Variants in KIAA1755 observed in about 807,000 individuals in gnomAD.
KIAA1755 encodes uncharacterized protein KIAA1755.
Under a neutral mutation model 91.7 loss-of-function variants are expected in KIAA1755, and 68 were observed. The ratio of observed to expected loss-of-function variants is 0.74; its 90% CI spans 0.61 to 0.91. The LOEUF is 0.91. KIAA1755 is among the 40% of genes least tolerant of loss of function. The pLI is 0.00. For synonymous variants in KIAA1755, 610 were observed against 604.6 expected, an observed-to-expected ratio of 1.01 and a Z score of -0.13; for missense variants, 1,535 against 1,494.4, an observed-to-expected ratio of 1.03 and a Z score of -0.45.
At chr20:38,242,175 A>G (rs1249501717) in intron 2 of KIAA1755, among the ~76,000 whole-genome samples, 2 of 152,222 alleles carry the variant, frequency 1.3e-5, no homozygotes, top group Non-Finnish European at 2.9e-5. Context: ...ACCATGCACT[A>G]GTTAGCAATC....
At chr20:38,218,541 T>C (rs2075594743) in intron 11 of KIAA1755, among the ~76,000 whole-genome samples, 175 bp from the exon 12 acceptor site, 1 of 152,076 alleles carries the variant, frequency 6.6e-6, no homozygotes, top group African/African-American at 2.4e-5. Flanking sequence ...AGAAATGACT[T>C]GGGGAGGGGG....
chr20:38,219,514 T>A lies in KIAA1755; in HGVS notation c.2556+116A>T, dbSNP rs1028732606. The A allele has an allele frequency of 1.0e-5, 14 of 1,396,896 alleles. No individual in the cohort carries two copies. In the African/African-American group the frequency reaches 1.9e-4, roughly 19 times the overall value. 86.5% of individuals were successfully genotyped at this position (1,396,896 alleles called of 1,614,324 possible). Reference sequence around the variant, plus strand: ...GCCTGGCCTTTGAAGGATCGCCAGCTTGGTGTCCTTTCTCCAGAACAAAGC... The same window carrying A: ...GCCTGGCCTTTGAAGGATCGCCAGCATGGTGTCCTTTCTCCAGAACAAAGC... On this transcript the variant is annotated intron_variant, in intron 11 of 13. Coordinates refer to ENST00000279024, the MANE Select transcript of KIAA1755 (RefSeq NM_001029864.2).
chr20:38,243,355 A>G (rs1393210365), intron 2 of KIAA1755, among the ~76,000 whole-genome samples: 1 of 152,248 alleles, frequency 6.6e-6, no homozygotes, highest in East Asian at 1.9e-4. Context: ...CTTAATATCC[A>G]TAAACCTTCA....
chr20:38,217,720 C>T (rs1228240665), intron 12 of KIAA1755: 3 of 573,208 alleles, frequency 5.2e-6, no homozygotes, highest in South Asian at 2.2e-5. Flanking sequence ...TGGCAGTTCA[C>T]TTTGCCTAGC....
At chr20:38,215,628 A>C (rs893410413) in intron 13 of KIAA1755, among the ~76,000 whole-genome samples, 4 of 152,298 alleles carry the variant, frequency 2.6e-5, no homozygotes, top group Admixed American at 2.0e-4. Flanking sequence ...GAAAGACAAG[A>C]AGCCAGCCGG....
At chr20:38,224,761 G>A (rs959722846) in intron 8 of KIAA1755, among the ~76,000 whole-genome samples, 1 of 152,090 alleles carries the variant, frequency 6.6e-6, no homozygotes. Flanking sequence ...CATCGGTTTC[G>A]GTGTGGTTTA....
chr20:38,222,079 C>T (rs554924346), intron 10 of KIAA1755, among the ~76,000 whole-genome samples: 30 of 152,354 alleles, frequency 2.0e-4, no homozygotes, highest in African/African-American at 7.0e-4. Flanking sequence ...ACAATGTGGA[C>T]CTCACAGGGT....
rs1021407077 is a variant in KIAA1755 at position 38,246,139 on chromosome 20, G to T, written c.4-13C>A. On this transcript the variant is annotated splice_polypyrimidine_tract_variant and intron_variant, in intron 1 of 13. Coordinates refer to ENST00000279024, the MANE Select transcript of KIAA1755 (RefSeq NM_001029864.2). ...GGGATGGAGGGTCCTGTGGGGGACAGGAGGAGGGGGTGATAATAGCAATGA... is the reference window on the plus strand; with the variant it reads ...GGGATGGAGGGTCCTGTGGGGGACATGAGGAGGGGGTGATAATAGCAATGA... 9.3e-6 allele frequency: 15 copies of T among 1,607,714 alleles called. No individual in the cohort carries two copies. Among genetic ancestry groups the T allele is most frequent in the Non-Finnish European group, 1.3e-5 (15 of 1,176,816 alleles).
intron 2 of KIAA1755, among the ~76,000 whole-genome samples, chr20:38,243,365 A>C (rs2076101332): frequency 6.6e-6 from 1 of 152,228 alleles, no homozygotes; most frequent in African/African-American, 2.4e-5. Context: ...ATAAACCTTC[A>C]TGAGTCTGTA....
chr20:38,255,102 G>C (rs978070092), intron 1 of KIAA1755, among the ~76,000 whole-genome samples: 7 of 151,944 alleles, frequency 4.6e-5, no homozygotes, highest in Non-Finnish European at 8.8e-5. Context: ...GCTTGAAACT[G>C]GGAGGCAGAA....
In KIAA1755 at chr20:38,241,834, T is replaced by G; in HGVS notation, c.297A>C (p.Leu99Phe). 1 of 1,614,058 alleles carries G rather than the reference T, an allele frequency of 6.2e-7. No individual in the cohort carries two copies. The highest frequency in any genetic ancestry group is 8.5e-7 in the Non-Finnish European group (1 of 1,179,992). Residue 99 changes from leucine to phenylalanine, a missense_variant, in exon 3 of 14, where the codon TTA (leucine) becomes TTC (phenylalanine). Coordinates refer to ENST00000279024, the MANE Select transcript of KIAA1755 (RefSeq NM_001029864.2). ...GGAGGTAGAAGTCACCCTGGCGCAA[T>G]AAGAGAGGGTTGAGGGGTGCCAAGT... ...VVHLAPLNPL[L>F]LRQGDFYLQV... is the part of the protein sequence containing the mutation.
At chr20:38,236,440 G>A (rs1298427717) in intron 4 of KIAA1755, among the ~76,000 whole-genome samples, 1 of 152,202 alleles carries the variant, frequency 6.6e-6, no homozygotes, top group Non-Finnish European at 1.5e-5. Flanking sequence ...TAGGAAGTGA[G>A]TGTGGATGGA....
Position 38,250,484 on chromosome 20 carries a change from TATG to T in KIAA1755, c.4-4361_4-4359del, listed in dbSNP as rs948341623. On this transcript the variant is annotated intron_variant, in intron 1 of 13. Transcript: ENST00000279024. ...GTCATATTATTATTATTATTATTAT[TATG>T]GTGTGTGTGTGTGTGTGTGTGTGTC... 4.6e-5 allele frequency among the ~76,000 whole-genome samples: 6 copies of T among 130,640 alleles called. No homozygotes were observed. The East Asian group carries it at 1.1e-3, about 24-fold the overall frequency. The allele number at this position is 130,640 out of a possible 152,430, so 85.7% of individuals were successfully genotyped here.
chr20:38,227,003 A>G, intron 7 of KIAA1755, 151 bp downstream of exon 7: 1 of 570,456 alleles, frequency 1.8e-6, no homozygotes, highest in African/African-American at 1.9e-5. Context: ...GGGGATTGGT[A>G]GCGCTTAGGC....
At chr20:38,215,308 C>T (rs1297774868) in intron 13 of KIAA1755, among the ~76,000 whole-genome samples, 2 of 152,230 alleles carry the variant, frequency 1.3e-5, no homozygotes, top group Non-Finnish European at 2.9e-5. Flanking sequence ...CTGGCACAGA[C>T]GCCACCTCCA....
At chr20:38,259,279 T>C (rs1436493351) in intron 1 of KIAA1755, among the ~76,000 whole-genome samples, 3 of 152,104 alleles carry the variant, frequency 2.0e-5, no homozygotes, top group African/African-American at 7.2e-5. Context: ...CCGCAGTGCA[T>C]GGATGTAGGT....
At chr20:38,260,379 A>T in intron 1 of KIAA1755, 119 bp downstream of exon 1, 1 of 1,601,148 alleles carries the variant, frequency 6.2e-7, no homozygotes, top group Non-Finnish European at 8.5e-7. Flanking sequence ...CTGCCAAGGC[A>T]CTGAGGGTCG....
At chr20:38,218,685 A>T (rs114409054) in intron 11 of KIAA1755, among the ~76,000 whole-genome samples, 4 of 152,366 alleles carry the variant, frequency 2.6e-5, no homozygotes, top group African/African-American at 9.6e-5. Flanking sequence ...GAGACGCCGG[A>T]TCATAAAAGG....
intron 2 of KIAA1755, among the ~76,000 whole-genome samples, chr20:38,245,077 C>T (rs747935055): frequency 5.9e-5 from 9 of 152,198 alleles, no homozygotes; most frequent in Non-Finnish European, 1.2e-4. Flanking sequence ...GAGGTAGACA[C>T]GTGACTCAAG....
Sources: allele counts gnomAD v4.1 joint callset (sites outside exome capture counted in the v4.1 genomes callset), GRCh38; gene constraint gnomAD v4.1.1; transcripts MANE v1.5; gene names NCBI Gene and HGNC (gene_info 2026-07-23, HGNC 2026-07-21).